Variants in FGFR2 observed in about 807,000 individuals in gnomAD.
FGFR2 encodes fibroblast growth factor receptor 2, also known as BEK fibroblast growth factor receptor.
In FGFR2, 19 loss-of-function variants were observed where a neutral mutation model predicts 95.9. That is an observed-to-expected ratio of 0.20 (90% CI 0.14 to 0.29). FGFR2 has a LOEUF of 0.29. Ranked by LOEUF, FGFR2 falls within the 10% of genes least tolerant of loss-of-function variation. The probability of loss-of-function intolerance (pLI) is 1.00; values close to 1 mark genes in which losing one functional copy is unlikely to be tolerated. For missense variants in FGFR2, 707 were observed against 1,056.9 expected, an observed-to-expected ratio of 0.67 and a Z score of 4.59; for synonymous variants, 392 against 393.3, an observed-to-expected ratio of 1.00 and a Z score of 0.04.
chr10:121,594,693 C>T (rs1238181487), intron 1 of FGFR2, among the ~76,000 whole-genome samples: 1 of 152,224 alleles, frequency 6.6e-6, no homozygotes, highest in African/African-American at 2.4e-5. Context: ...AGCCTGAATT[C>T]CCTTCCCCTG....
At chr10:121,554,949 TC>T (rs1195304389) in intron 4 of FGFR2, among the ~76,000 whole-genome samples, 1 of 152,142 alleles carries the variant, frequency 6.6e-6, no homozygotes, top group Non-Finnish European at 1.5e-5. Context: ...ATACCAAGGC[TC>T]GTGAACAGCT....
At position 121,593,623 on chromosome 10, in the gene FGFR2, G is replaced by A. The variant is rs889218040; in HGVS notation, c.109+86C>T. 2.6e-6 allele frequency: 3 copies of A among 1,164,374 alleles called. No homozygotes were observed. In the African/African-American group the frequency reaches 4.5e-5, roughly 18 times the overall value. 72.1% of individuals were successfully genotyped at this position (1,164,374 alleles called of 1,614,324 possible). ...CTTAGAAGCCCCATTTACAATGCAAGGGTAGCTGATTCTAAAACAGGCCTT... is the reference window on the plus strand; with the variant it reads ...CTTAGAAGCCCCATTTACAATGCAAAGGTAGCTGATTCTAAAACAGGCCTT... On this transcript the variant is annotated intron_variant, in intron 2 of 17. Transcript: ENST00000358487.
intron 2 of FGFR2, among the ~76,000 whole-genome samples, chr10:121,566,831 T>C (rs1857740797): frequency 6.6e-6 from 1 of 151,986 alleles, no homozygotes; most frequent in South Asian, 2.1e-4. Context: ...CACATGGCCA[T>C]GTCAAACAAG....
chr10:121,578,860 A>T (rs1046430170), intron 2 of FGFR2, among the ~76,000 whole-genome samples: 1 of 152,250 alleles, frequency 6.6e-6, no homozygotes, highest in Non-Finnish European at 1.5e-5. Flanking sequence ...CAGTGAGCCA[A>T]GATTGTGCCA....
chr10:121,487,876 A>T, intron 14 of FGFR2, 115 bp downstream of exon 14: 1 of 1,281,228 alleles, frequency 7.8e-7, no homozygotes, highest in East Asian at 2.3e-5. Flanking sequence ...GAATCGGGGC[A>T]GGGGAATGGG....
At chr10:121,499,326 A>G (rs982065336) in intron 11 of FGFR2, among the ~76,000 whole-genome samples, 2 of 152,088 alleles carry the variant, frequency 1.3e-5, no homozygotes, top group South Asian at 2.1e-4. Context: ...AGTATGGAAA[A>G]ATCTGGGTTT....
intron 2 of FGFR2, among the ~76,000 whole-genome samples, chr10:121,592,484 T>C (rs1390947748): frequency 6.6e-6 from 1 of 152,152 alleles, no homozygotes; most frequent in East Asian, 1.9e-4. Flanking sequence ...TAACGAAAAG[T>C]TCCCCAGTCT....
chr10:121,549,010 G>A (rs1854986190), intron 5 of FGFR2, among the ~76,000 whole-genome samples: 1 of 152,008 alleles, frequency 6.6e-6, no homozygotes, highest in African/African-American at 2.4e-5. Flanking sequence ...CACCAAGTAG[G>A]AGTTGTGGAA....
rs1855885471 is a variant in FGFR2, at chr10:121,554,716, G to C, written c.455-3257C>G. On this transcript the variant is annotated intron_variant, in intron 4 of 17. Transcript: ENST00000358487. Reference sequence around the variant, plus strand: ...CAATAGCTCTTCCTAAAATACACTAGCTTTATGTGAACCTTGAATCTGTAA... The same window carrying C: ...CAATAGCTCTTCCTAAAATACACTACCTTTATGTGAACCTTGAATCTGTAA... Among the ~76,000 whole-genome samples, 3 of 151,982 alleles carry C rather than the reference G, an allele frequency of 2.0e-5. No homozygotes were observed. In the South Asian group the frequency reaches 6.2e-4, roughly 32 times the overall value.
chr10:121,581,582 AAAAAAAAAG>A (rs1164764490), intron 2 of FGFR2, among the ~76,000 whole-genome samples: 1 of 151,138 alleles, frequency 6.6e-6, no homozygotes, highest in African/African-American at 2.4e-5. Flanking sequence ...TACCAAAAAA[AAAAAAAAAG>A]AAAAAAAGAA....
intron 5 of FGFR2, among the ~76,000 whole-genome samples, chr10:121,550,229 G>A (rs1417399691): frequency 6.6e-6 from 1 of 152,036 alleles, no homozygotes; most frequent in Non-Finnish European, 1.5e-5. Context: ...GATGCAACAT[G>A]CTCCTGCAAC....
chr10:121,567,744 A>G (rs529683796), intron 2 of FGFR2, among the ~76,000 whole-genome samples: 1 of 152,364 alleles, frequency 6.6e-6, no homozygotes, highest in Admixed American at 6.5e-5. Context: ...GTTTTTGTAA[A>G]CAAAGCTTTA....
chr10:121,504,377 G>A (rs41295583), intron 9 of FGFR2, among the ~76,000 whole-genome samples: 3 of 152,260 alleles, frequency 2.0e-5, no homozygotes, highest in East Asian at 1.9e-4. Context: ...GAAATTCTAC[G>A]AAAACTTTTA....
At chr10:121,591,917 G>T (rs1413623251) in intron 2 of FGFR2, among the ~76,000 whole-genome samples, 1 of 152,050 alleles carries the variant, frequency 6.6e-6, no homozygotes. Flanking sequence ...CCCTTTCCAC[G>T]ATTTCTTCCC....
At chr10:121,528,404 C>A (rs1372330056) in intron 6 of FGFR2, among the ~76,000 whole-genome samples, 1 of 151,996 alleles carries the variant, frequency 6.6e-6, no homozygotes, top group African/African-American at 2.4e-5. Context: ...GCATATTGGC[C>A]ACTAGTAAGA....
intron 4 of FGFR2, among the ~76,000 whole-genome samples, chr10:121,561,339 G>T (rs1856927561): frequency 6.6e-6 from 1 of 151,118 alleles, no homozygotes; most frequent in Non-Finnish European, 1.5e-5. Context: ...CAGGAGAATT[G>T]CTTGAACCCG....
intron 4 of FGFR2, among the ~76,000 whole-genome samples, chr10:121,556,694 C>T (rs1364760677): frequency 2.6e-5 from 4 of 152,122 alleles, no homozygotes; most frequent in Non-Finnish European, 5.9e-5. Flanking sequence ...GTAATTAAGT[C>T]AAAAGTTCAA....
rs1590004935 is a variant in FGFR2 at position 121,564,285 on chromosome 10, C to T, written c.454+217G>A. The T allele has an allele frequency of 4.2e-5, 25 of 591,298 alleles. No individual in the cohort carries two copies. The East Asian group carries it at 6.8e-4, about 16-fold the overall frequency. The allele number at this position is 591,298 out of a possible 1,614,324, so 36.6% of individuals were successfully genotyped here. A position where few individuals can be genotyped will look rare whatever the true frequency, so the allele number is the denominator to read the frequency against. ...AGTAACTGCTTTGAAAAACGAATGA[C>T]CAGTGACACGAGAAGAAAGGACAAA... On this transcript the variant is annotated intron_variant, in intron 4 of 17. Coordinates refer to ENST00000358487, the MANE Select transcript of FGFR2 (RefSeq NM_000141.5).
intron 8 of FGFR2, among the ~76,000 whole-genome samples, 159 bp from the exon 9 acceptor site, chr10:121,515,478 G>A (rs955550296): frequency 6.6e-6 from 1 of 152,030 alleles, no homozygotes; most frequent in African/African-American, 2.4e-5. Context: ...TGAATAACCA[G>A]GGGTCCATCA....
Sources: allele counts gnomAD v4.1 joint callset (sites outside exome capture counted in the v4.1 genomes callset), GRCh38; gene constraint gnomAD v4.1.1; transcripts MANE v1.5; gene names NCBI Gene and HGNC (gene_info 2026-07-23, HGNC 2026-07-21).